The following FBXO33 variants were observed in gnomAD, a reference collection of about 807,000 sequenced individuals.
FBXO33 encodes the protein F-box protein 33.
In FBXO33, 22 loss-of-function variants were observed where a neutral mutation model predicts 46.3. The observed-to-expected ratio is 0.48, with a 90% CI of 0.34 to 0.68. The LOEUF is 0.68. Among genes scored for constraint, FBXO33 ranks in the 30% least tolerant of loss-of-function variants. The pLI is 0.01. For missense variants in FBXO33, 692 were observed against 708.8 expected, an observed-to-expected ratio of 0.98 and a Z score of 0.27; for synonymous variants, 337 against 291.3, an observed-to-expected ratio of 1.16 and a Z score of -1.60.
chr14:39,412,756 A>G (rs1485496959), intron 1 of FBXO33, among the ~76,000 whole-genome samples: 1 of 152,264 alleles, frequency 6.6e-6, no homozygotes, highest in African/African-American at 2.4e-5. Context: ...AAATAAAGAA[A>G]GTCACACAAT....
In FBXO33 at chr14:39,431,955, ACGCAGCGCCCGC is replaced by A; in HGVS notation, c.196_207del (p.Ala66_Ala69del). On this transcript the variant is annotated inframe_deletion, in exon 1 of 4. Coordinates refer to ENST00000298097, the MANE Select transcript of FBXO33 (RefSeq NM_203301.4). ...TGCACGATCAGCTCGCTGGGCAGCG[ACGCAGCGCCCGC>A]CGCCTGCCCGCACAGAGCCATCCGG... 3 of 1,529,454 alleles carry A rather than the reference ACGCAGCGCCCGC, an allele frequency of 2.0e-6. No individual in the cohort carries two copies. The highest frequency in any genetic ancestry group is 2.6e-6 in the Non-Finnish European group (3 of 1,144,356). 94.7% of individuals were successfully genotyped at this position (1,529,454 alleles called of 1,614,324 possible). A position where few individuals can be genotyped will look rare whatever the true frequency, so the allele number is the denominator to read the frequency against.
In FBXO33 at chr14:39,399,500, C is replaced by G. The variant is rs765163912; in HGVS notation, c.*16G>C. ...ACTTGCATATGTAACCACAGGAATT[C>G]TACATTAAAAAAAAGCTAAATGTCT... On this transcript the variant is annotated 3_prime_UTR_variant, in exon 4 of 4. Transcript: ENST00000298097. 34 of 1,596,184 alleles carry G rather than the reference C, an allele frequency of 2.1e-5. No individual in the cohort carries two copies. The highest frequency in any genetic ancestry group is 2.8e-5 in the Non-Finnish European group (33 of 1,169,948).
At chr14:39,411,384 G>A (rs543264622) in intron 1 of FBXO33, among the ~76,000 whole-genome samples, 29 of 151,648 alleles carry the variant, frequency 1.9e-4, no homozygotes, top group African/African-American at 6.5e-4. Context: ...GAGCCACTGC[G>A]CCTGGCCTTT....
intron 1 of FBXO33, among the ~76,000 whole-genome samples, chr14:39,421,669 A>G (rs1178225795): frequency 6.6e-6 from 1 of 152,148 alleles, no homozygotes; most frequent in Non-Finnish European, 1.5e-5. Flanking sequence ...ATAACATGAT[A>G]TGAACAGAAC....
chr14:39,414,269 TCCTGCAGCTTCCTCA>T (rs1555425767), intron 1 of FBXO33, among the ~76,000 whole-genome samples: 1 of 152,198 alleles, frequency 6.6e-6, no homozygotes, highest in Non-Finnish European at 1.5e-5. Flanking sequence ...AAGCTTTTTC[TCCTGCAGCTTCCTCA>T]CCTCTCTCAG....
chr14:39,406,334 T>C (rs979374562), intron 1 of FBXO33, among the ~76,000 whole-genome samples: 1 of 152,178 alleles, frequency 6.6e-6, no homozygotes, highest in Admixed American at 6.5e-5. Flanking sequence ...CAACTCAACT[T>C]TCATTTATTT....
intron 1 of FBXO33, among the ~76,000 whole-genome samples, chr14:39,426,372 T>C (rs1405159382): frequency 6.6e-6 from 1 of 152,166 alleles, no homozygotes; most frequent in Non-Finnish European, 1.5e-5. Context: ...TACCATCATC[T>C]CTTGCTTAGA....
At chr14:39,419,608 C>T (rs1039658878) in intron 1 of FBXO33, among the ~76,000 whole-genome samples, 1 of 152,202 alleles carries the variant, frequency 6.6e-6, no homozygotes, top group African/African-American at 2.4e-5. Context: ...AATTGTGCTA[C>T]ATAATCCTTT....
chr14:39,427,474 A>C (rs905771759), intron 1 of FBXO33, among the ~76,000 whole-genome samples: 7 of 152,196 alleles, frequency 4.6e-5, no homozygotes, highest in Non-Finnish European at 1.0e-4. Flanking sequence ...AAATAATAAC[A>C]AAGTAAACTC....
intron 1 of FBXO33, among the ~76,000 whole-genome samples, chr14:39,420,445 C>T (rs1436002420): frequency 2.0e-5 from 3 of 152,184 alleles, no homozygotes; most frequent in Non-Finnish European, 4.4e-5. Context: ...AATCTCAGCG[C>T]TTTGGGAGGC....
chr14:39,420,701 G>A (rs2075478890), intron 1 of FBXO33, among the ~76,000 whole-genome samples: 1 of 151,744 alleles, frequency 6.6e-6, no homozygotes, highest in African/African-American at 2.4e-5. Context: ...AAAAAAAAAA[G>A]CAAGCAAGCA....
intron 1 of FBXO33, among the ~76,000 whole-genome samples, chr14:39,404,070 A>G (rs1170604814): frequency 6.6e-6 from 1 of 152,116 alleles, no homozygotes; most frequent in Non-Finnish European, 1.5e-5. Flanking sequence ...GGTATGTCAC[A>G]TTTTCTCAAG....
chr14:39,400,746 C>T (rs896787758), intron 3 of FBXO33, among the ~76,000 whole-genome samples: 16 of 152,100 alleles, frequency 1.1e-4, no homozygotes, highest in African/African-American at 3.6e-4. Context: ...ATGGAACCAT[C>T]GTTAAAAAAA....
In FBXO33 at chr14:39,402,465, G is replaced by C; in HGVS notation, c.646C>G (p.Gln216Glu). The C allele has an allele frequency of 6.3e-7, 1 of 1,576,980 alleles. No individual in the cohort carries two copies. Among genetic ancestry groups the C allele is most frequent in the Non-Finnish European group, 8.6e-7 (1 of 1,160,854 alleles). Residue 216 changes from glutamine (Q) to glutamate (E), a missense_variant, in exon 2 of 4, where the codon CAG (glutamine) becomes GAG (glutamate). Physicochemically the swap from Gln to Glu is conservative, Grantham distance 29 (BLOSUM62 2). Transcript: ENST00000298097. ...TATGTATTTGACAAACTTCCTTGCT[G>C]TTGTAGAACACTTATGTCTCCAAAA... ...SLFGDISVLQQQGSLSNTYLS... is the reference protein window; with the variant it reads ...SLFGDISVLQEQGSLSNTYLS...
Position 39,431,625 on chromosome 14 carries a change from C to T in FBXO33, c.538G>A (p.Glu180Lys), listed in dbSNP as rs1211380449. 1 of 1,613,660 alleles carries T rather than the reference C, an allele frequency of 6.2e-7. No homozygotes were observed. Among genetic ancestry groups the T allele is most frequent in the South Asian group, 1.1e-5 (1 of 91,092 alleles). The change falls in exon 1 of 4, where the codon GAA becomes AAA. Residue 180 changes from glutamate to lysine, a missense_variant. Glu to Lys is a moderately conservative substitution (Grantham distance 56). Around this residue, in one of 3 missense-constraint regions of FBXO33, gnomAD observed 412 missense variants for 370.8 expected, o/e 1.11. Transcript: ENST00000298097. Reference sequence around the variant, plus strand: ...AGCTCCAAGTAGGTGCGCAGCACTTCCAGCCAACGAGCTGAGAGCTGCAGG... The same window carrying T: ...AGCTCCAAGTAGGTGCGCAGCACTTTCAGCCAACGAGCTGAGAGCTGCAGG... ...EALQLSARWL[E>K]VLRTYLELVL...
intron 1 of FBXO33, among the ~76,000 whole-genome samples, chr14:39,405,474 A>T (rs1001975949): frequency 1.1e-4 from 16 of 143,770 alleles, no homozygotes; most frequent in Non-Finnish European, 2.5e-4. Context: ...GAATATTAGA[A>T]ATGAAAATCA....
intron 1 of FBXO33, among the ~76,000 whole-genome samples, chr14:39,426,572 C>G (rs778835928): frequency 1.3e-5 from 2 of 152,148 alleles, no homozygotes; most frequent in African/African-American, 4.8e-5. Context: ...CTACCTAACC[C>G]CAATTCTTCC....
intron 1 of FBXO33, among the ~76,000 whole-genome samples, chr14:39,421,105 G>A (rs965872214): frequency 6.6e-6 from 1 of 151,834 alleles, no homozygotes; most frequent in Non-Finnish European, 1.5e-5. Context: ...ATAGGACATC[G>A]GTATGAAGGT....
At chr14:39,421,780 TCACACACACACA>T (rs10582893) in intron 1 of FBXO33, among the ~76,000 whole-genome samples, 2,627 of 149,110 alleles carry the variant, frequency 0.018, 65 homozygotes, top group African/African-American at 0.055. Flanking sequence ...TGAGTACAAA[TCACACACACACA>T]CACACACACA....
Sources: allele counts gnomAD v4.1 joint callset (sites outside exome capture counted in the v4.1 genomes callset), GRCh38; gene constraint gnomAD v4.1.1; regional missense constraint gnomAD v4.1.1; transcripts MANE v1.5; gene names NCBI Gene and HGNC (gene_info 2026-07-23, HGNC 2026-07-21).